COX7A2: variants seen among roughly 807,000 people sequenced by gnomAD.
The protein encoded by COX7A2 is cytochrome c oxidase subunit 7A2, mitochondrial.
COX7A2 carries 11 observed loss-of-function variants against 11.6 expected under a neutral mutation model. The observed-to-expected ratio is 0.95, with a 90% CI of 0.60 to 1.57. The LOEUF is 1.57. COX7A2 is among the 40% of genes most tolerant of loss of function. The pLI is 0.00. For synonymous variants in COX7A2, 30 were observed against 38.2 expected (o/e 0.78, Z 0.79); for missense variants, 106 against 100.9 (o/e 1.05, Z -0.22).
chr6:75,245,271 C>T (rs943467511), upstream of COX7A2, among the ~76,000 whole-genome samples: 2 of 152,200 alleles, frequency 1.3e-5, no homozygotes, highest in African/African-American at 4.8e-5. Context: ...GCGGGCGGAT[C>T]ATGAGGTCAG....
chr6:75,240,469 T>C, intron 2 of COX7A2, 84 bp from the exon 3 acceptor site: 1 of 856,068 alleles, frequency 1.2e-6, no homozygotes, highest in South Asian at 1.7e-5. Context: ...GCATATAAAA[T>C]GATATAGCTC....
chr6:75,239,086 A>G (rs1771410090), intron 3 of COX7A2, among the ~76,000 whole-genome samples: 1 of 152,218 alleles, frequency 6.6e-6, no homozygotes, highest in Non-Finnish European at 1.5e-5. Context: ...AAGTGCTGGG[A>G]TTACAGGCAT....
At chr6:75,249,184 C>A (rs574321852) in intron 1 of COX7A2, among the ~76,000 whole-genome samples, 1 of 152,288 alleles carries the variant, frequency 6.6e-6, no homozygotes, top group South Asian at 2.1e-4. Context: ...TTGCAGTGAG[C>A]CAAGATCACG....
chr6:75,249,429 A>C (rs1024137169), intron 1 of COX7A2, among the ~76,000 whole-genome samples: 4 of 152,230 alleles, frequency 2.6e-5, no homozygotes, highest in Admixed American at 6.5e-5. Flanking sequence ...AAGAACTTGG[A>C]AGTCAGACAG....
chr6:75,241,372 T>C (rs558588088), intron 1 of COX7A2, 107 bp from the exon 2 acceptor site: 3 of 1,006,420 alleles, frequency 3.0e-6, no homozygotes, highest in African/African-American at 3.2e-5. Context: ...ACTTGAAGCA[T>C]ATCTGATTTG....
At chr6:75,242,314 T>G (rs976999764) in intron 1 of COX7A2, among the ~76,000 whole-genome samples, 2 of 151,994 alleles carry the variant, frequency 1.3e-5, no homozygotes, top group African/African-American at 4.8e-5. Context: ...AGACCCGGCC[T>G]AGCCAACATG....
upstream of COX7A2, among the ~76,000 whole-genome samples, chr6:75,244,328 T>C (rs1771632396): frequency 6.6e-6 from 1 of 152,214 alleles, no homozygotes; most frequent in Non-Finnish European, 1.5e-5. Flanking sequence ...TTTTATATTC[T>C]TGTACCTTCG....
Position 75,240,392 on chromosome 6 carries a change from T to TAA in COX7A2, c.109-8_109-7insTT. On this transcript the variant is annotated splice_polypyrimidine_tract_variant and splice_region_variant and intron_variant, in intron 2 of 3. Transcript: ENST00000684430. ...GTGGAATTTCATCATCCTCCTAGATTTAAAAAAAAAAAAAAAAGACAATAA... is the reference window on the plus strand; with the variant it reads ...GTGGAATTTCATCATCCTCCTAGATTAATAAAAAAAAAAAAAAAAGACAATAA... 2 of 1,400,596 alleles carry TAA rather than the reference T, an allele frequency of 1.4e-6. No individual in the cohort carries two copies. Among genetic ancestry groups the TAA allele is most frequent in the Non-Finnish European group, 1.9e-6 (2 of 1,068,158 alleles). The allele number at this position is 1,400,596 out of a possible 1,614,324, so 86.8% of individuals were successfully genotyped here.
upstream of COX7A2, among the ~76,000 whole-genome samples, chr6:75,245,315 C>T (rs1242140996): frequency 6.6e-6 from 1 of 152,100 alleles, no homozygotes; most frequent in Non-Finnish European, 1.5e-5. Context: ...AGCCGTGAAA[C>T]CCTGTCTCTA....
upstream of COX7A2, chr6:75,243,893 G>C (rs908146262): frequency 6.8e-7 from 1 of 1,473,070 alleles, no homozygotes; most frequent in African/African-American, 1.4e-5. Context: ...GAGAGCAAAA[G>C]AAAAACTAGA....
At position 75,240,380 on chromosome 6, in the gene COX7A2, A is replaced by G; in HGVS notation, c.114T>C (p.Asp38=). 5.3e-6 allele frequency: 8 copies of G among 1,522,194 alleles called. No homozygotes were observed. Among genetic ancestry groups the G allele is most frequent in the Non-Finnish European group, 7.0e-6 (8 of 1,138,466 alleles). The allele number at this position is 1,522,194 out of a possible 1,614,324, so 94.3% of individuals were successfully genotyped here. Residue 38 remains aspartate, a synonymous_variant, in exon 3 of 4, where the codon GAT becomes GAC. Transcript: ENST00000684430. Reference sequence around the variant, plus strand: ...CCTTTAGATACAGTGGAATTTCATCATCCTCCTAGATTTAAAAAAAAAAAA... The same window carrying G: ...CCTTTAGATACAGTGGAATTTCATCGTCCTCCTAGATTTAAAAAAAAAAAA... ...VPEKQKLFQE[D]DEIPLYLKGG... is the part of the protein sequence containing the mutation.
intron 1 of COX7A2, among the ~76,000 whole-genome samples, chr6:75,243,102 A>T (rs901631567): frequency 2.6e-5 from 4 of 152,238 alleles, no homozygotes; most frequent in South Asian, 2.1e-4. Flanking sequence ...TAAATAATTT[A>T]AAAAATAAAA....
chr6:75,241,312 T>C (rs1306723397), intron 1 of COX7A2, 47 bp from the exon 2 acceptor site: 3 of 1,422,486 alleles, frequency 2.1e-6, no homozygotes, highest in Non-Finnish European at 2.8e-6. Context: ...AAAGAAACCT[T>C]CAAAACCAAC....
intron 1 of COX7A2, among the ~76,000 whole-genome samples, chr6:75,249,746 A>G (rs987779527): frequency 7.2e-5 from 11 of 152,250 alleles, no homozygotes; most frequent in African/African-American, 2.7e-4. Context: ...GGCTGATTTC[A>G]GTGATGAATT....
chr6:75,243,934 G>T, upstream of COX7A2: 2 of 1,008,886 alleles, frequency 2.0e-6, no homozygotes, highest in Non-Finnish European at 2.9e-6. Flanking sequence ...GCTCTAGCCG[G>T]CTCGCCGTCT....
rs1478522004 is a variant in COX7A2, at chr6:75,240,326, T to C, written c.168A>G (p.Arg56=). ...CACCAACTGTAAGAATCATGGTGGC[T>C]CTATACAGGAGGGCATCAGCTACCC... is the stretch of plus-strand genomic sequence containing the variant. ...KGGVADALLY[R]ATMILTVGGT... is the part of the protein sequence containing the mutation. The change falls in exon 3 of 4, where the codon AGA becomes AGG. Residue 56 remains arginine, a synonymous_variant. Transcript: ENST00000684430. 1.2e-6 allele frequency: 2 copies of C among 1,610,404 alleles called. No homozygotes were observed. The highest frequency in any genetic ancestry group is 2.2e-5 in the South Asian group (2 of 90,726).
At chr6:75,248,785 T>C (rs892676878), upstream of COX7A2, among the ~76,000 whole-genome samples, 1 of 152,216 alleles carries the variant, frequency 6.6e-6, no homozygotes, top group East Asian at 1.9e-4. Flanking sequence ...CACTTTGTAA[T>C]ACACGCAAGG....
At chr6:75,247,283 A>G (rs935235130), upstream of COX7A2, among the ~76,000 whole-genome samples, 2 of 152,072 alleles carry the variant, frequency 1.3e-5, no homozygotes, top group African/African-American at 4.8e-5. Flanking sequence ...TATAGAATCG[A>G]TAAGTAACAA....
At chr6:75,249,532 A>G (rs548809412) in intron 1 of COX7A2, among the ~76,000 whole-genome samples, 1 of 152,324 alleles carries the variant, frequency 6.6e-6, no homozygotes, top group African/African-American at 2.4e-5. Context: ...TAAAATGGAG[A>G]TAACAGTATT....
Sources: allele counts gnomAD v4.1 joint callset (sites outside exome capture counted in the v4.1 genomes callset), GRCh38; gene constraint gnomAD v4.1.1; transcripts MANE v1.5; gene names NCBI Gene and HGNC (gene_info 2026-07-23, HGNC 2026-07-21).